EDIL3: variants seen among roughly 807,000 people sequenced by gnomAD.
The protein encoded by EDIL3 is EGF like and discoidin domains 3.
EDIL3 carries 37 observed loss-of-function variants against 67.4 expected under a neutral mutation model. The observed-to-expected ratio is 0.55, with a 90% CI of 0.42 to 0.72. EDIL3 has a LOEUF of 0.72. Among genes scored for constraint, EDIL3 ranks in the 30% least tolerant of loss-of-function variants. The probability of loss-of-function intolerance (pLI) is 0.00; values close to 1 mark genes in which losing one functional copy is unlikely to be tolerated. For missense variants in EDIL3, 527 were observed against 586.3 expected, an observed-to-expected ratio of 0.90 and a Z score of 1.04; for synonymous variants, 195 against 196.3, an observed-to-expected ratio of 0.99 and a Z score of 0.05.
intron 1 of EDIL3, among the ~76,000 whole-genome samples, chr5:84,316,562 A>C (rs1045206011): frequency 3.9e-5 from 6 of 152,222 alleles, no homozygotes; most frequent in African/African-American, 1.4e-4. Flanking sequence ...AGAGCTAACT[A>C]TCCTAAATAT....
intron 1 of EDIL3, among the ~76,000 whole-genome samples, chr5:84,305,906 AATAAATAAATAAATAG>A (rs988623803): frequency 4.7e-5 from 4 of 84,642 alleles, no homozygotes; most frequent in African/African-American, 9.5e-5. Context: ...TAAATAAATA[AATAAATAAATAAATAG>A]ATAGATAAAT....
chr5:84,050,940 C>T (rs1423653775), intron 9 of EDIL3, among the ~76,000 whole-genome samples: 2 of 152,210 alleles, frequency 1.3e-5, no homozygotes, highest in East Asian at 3.9e-4. Flanking sequence ...CTAAATGTCC[C>T]TGTCTGACAG....
At chr5:84,230,943 C>T (rs1278425949) in intron 2 of EDIL3, among the ~76,000 whole-genome samples, 2 of 152,148 alleles carry the variant, frequency 1.3e-5, no homozygotes, top group East Asian at 1.9e-4. Flanking sequence ...TACACATAGA[C>T]ATTATAAAAG....
At position 84,328,278 on chromosome 5, in the gene EDIL3, C is replaced by T. The variant is rs71638276; in HGVS notation, c.67+56030G>A. 7.8e-3 allele frequency among the ~76,000 whole-genome samples: 1,187 copies of T among 152,056 alleles called. 11 individuals are homozygous for T. The highest frequency in any genetic ancestry group is 0.014 in the Non-Finnish European group (936 of 67,926). ...TTAAAGTTGTGCCTTAAGATGGAAT[C>T]AATCTATGTGCATCACATTTTGGGA... On this transcript the variant is annotated intron_variant, in intron 1 of 10. Coordinates refer to ENST00000296591, the MANE Select transcript of EDIL3 (RefSeq NM_005711.5).
intron 1 of EDIL3, among the ~76,000 whole-genome samples, chr5:84,377,260 T>G (rs1259695548): frequency 6.7e-6 from 1 of 149,748 alleles, no homozygotes; most frequent in African/African-American, 2.5e-5. Flanking sequence ...TTGCAGTGAG[T>G]TGAGATCGCG....
intron 6 of EDIL3, among the ~76,000 whole-genome samples, chr5:84,085,153 A>G (rs1013688940): frequency 1.3e-5 from 2 of 152,170 alleles, no homozygotes; most frequent in Non-Finnish European, 2.9e-5. Flanking sequence ...GTTTGTTATT[A>G]CCTACCTTCT....
chr5:84,264,304 C>A (rs1396080634), intron 1 of EDIL3, among the ~76,000 whole-genome samples: 1 of 152,132 alleles, frequency 6.6e-6, no homozygotes, highest in African/African-American at 2.4e-5. Context: ...GTGTAGTAGG[C>A]TGCTGCGAAT....
At chr5:84,058,220 C>T (rs192961297) in intron 9 of EDIL3, among the ~76,000 whole-genome samples, 9 of 152,044 alleles carry the variant, frequency 5.9e-5, no homozygotes, top group Non-Finnish European at 7.4e-5. Flanking sequence ...GGGTAAGAAA[C>T]GAACTGGGGC....
intron 4 of EDIL3, among the ~76,000 whole-genome samples, chr5:84,138,564 G>C (rs1464467479): frequency 1.3e-5 from 2 of 152,046 alleles, no homozygotes; most frequent in Non-Finnish European, 1.5e-5. Flanking sequence ...TGAAGTCTTG[G>C]GCTATTACAG....
intron 2 of EDIL3, among the ~76,000 whole-genome samples, chr5:84,236,234 C>G (rs895099665): frequency 2.0e-5 from 3 of 151,944 alleles, no homozygotes; most frequent in African/African-American, 7.2e-5. Flanking sequence ...TAAAAGTAAG[C>G]CAGAGTACTG....
chr5:84,094,013 C>T (rs748794049), intron 6 of EDIL3, among the ~76,000 whole-genome samples: 24 of 151,962 alleles, frequency 1.6e-4, no homozygotes, highest in Non-Finnish European at 3.1e-4. Flanking sequence ...ATCATGTATT[C>T]CAAAGAATCT....
At chr5:83,974,646 A>G (rs890410181) in intron 9 of EDIL3, among the ~76,000 whole-genome samples, 2 of 152,032 alleles carry the variant, frequency 1.3e-5, no homozygotes, top group African/African-American at 4.8e-5. Context: ...CTAGTTCCTC[A>G]GCATTTCAGT....
At chr5:84,267,880 TA>T (rs1247320431) in intron 1 of EDIL3, among the ~76,000 whole-genome samples, 1 of 152,236 alleles carries the variant, frequency 6.6e-6, no homozygotes, top group African/African-American at 2.4e-5. Flanking sequence ...CTCATGCCTG[TA>T]ATCCTAACAC....
At chr5:84,358,115 C>T (rs927925144) in intron 1 of EDIL3, among the ~76,000 whole-genome samples, 1 of 152,030 alleles carries the variant, frequency 6.6e-6, no homozygotes, top group African/African-American at 2.4e-5. Flanking sequence ...TACATGGGAA[C>T]CCCAGAATTT....
intron 10 of EDIL3, among the ~76,000 whole-genome samples, chr5:83,960,021 T>C (rs1249671448): frequency 2.0e-5 from 3 of 151,010 alleles, no homozygotes; most frequent in African/African-American, 7.3e-5. Flanking sequence ...CCATAAAAGA[T>C]TTCCTTATGA....
intron 1 of EDIL3, among the ~76,000 whole-genome samples, chr5:84,332,437 T>C (rs909874873): frequency 6.6e-6 from 1 of 152,330 alleles, no homozygotes; most frequent in Non-Finnish European, 1.5e-5. Context: ...CCTAACTCAG[T>C]TGAAAACAAT....
chr5:84,351,369 T>G (rs148670747), intron 1 of EDIL3, among the ~76,000 whole-genome samples: 1,623 of 152,246 alleles, frequency 0.011, 31 homozygotes, highest in African/African-American at 0.037. Context: ...GCCCTAGGTA[T>G]GTCACTAACC....
At chr5:84,352,190 T>A (rs576236066) in intron 1 of EDIL3, among the ~76,000 whole-genome samples, 1 of 152,208 alleles carries the variant, frequency 6.6e-6, no homozygotes, top group South Asian at 2.1e-4. Flanking sequence ...ATTGGTGAAA[T>A]GTAAATTAGT....
chr5:84,129,053 A>G (rs1747916291), intron 5 of EDIL3, among the ~76,000 whole-genome samples: 3 of 152,142 alleles, frequency 2.0e-5, no homozygotes, highest in Admixed American at 1.3e-4. Flanking sequence ...TCTTTCCTTT[A>G]CTACATTATA....
Sources: gnomAD v4.1 joint callset for allele counts (sites outside exome capture counted in the v4.1 genomes callset) on GRCh38, gnomAD v4.1.1 for gene constraint, MANE v1.5 for transcripts, NCBI Gene and HGNC (gene_info 2026-07-23, HGNC 2026-07-21) for gene names.